MYH11: variants seen among roughly 807,000 people sequenced by gnomAD.
MYH11 encodes the protein myosin heavy chain 11.
MYH11 carries 80 observed loss-of-function variants against 246.6 expected under a neutral mutation model. That is an observed-to-expected ratio of 0.32 (90% CI 0.27 to 0.39). MYH11 has a LOEUF of 0.39. Among genes scored for constraint, MYH11 ranks in the 10% least tolerant of loss-of-function variants. MYH11 has a pLI of 1.00. For missense variants in MYH11, 2,158 were observed against 2,546.8 expected, an observed-to-expected ratio of 0.85 and a Z score of 3.29; for synonymous variants, 1,071 against 1,015.5, an observed-to-expected ratio of 1.05 and a Z score of -1.04.
At chr16:15,719,828 G>T in intron 34 of MYH11, 115 bp from the exon 35 acceptor site, 1 of 1,442,472 alleles carries the variant, frequency 6.9e-7, no homozygotes, top group Non-Finnish European at 9.6e-7. Context: ...CCACAAAGAA[G>T]TTCCCATTGC....
chr16:15,721,731 A>G (rs1266808668), intron 31 of MYH11, 97 bp from the exon 32 acceptor site: 6 of 1,285,904 alleles, frequency 4.7e-6, no homozygotes, highest in South Asian at 1.2e-5. Context: ...TGCTGAATGT[A>G]TTGAGGTGCA....
intron 2 of MYH11, among the ~76,000 whole-genome samples, chr16:15,826,917 T>C (rs2043583141): frequency 2.2e-5 from 3 of 136,042 alleles, no homozygotes; most frequent in African/African-American, 5.5e-5. Context: ...CACTTGAACC[T>C]GGGAGGTGGA....
chr16:15,728,391 G>A (rs1596741623), intron 27 of MYH11, among the ~76,000 whole-genome samples: 1 of 152,268 alleles, frequency 6.6e-6, no homozygotes. Flanking sequence ...CAACAACAAC[G>A]AAAGATCTGG....
intron 16 of MYH11, 54 bp from the exon 17 acceptor site, chr16:15,748,222 C>G: frequency 1.2e-6 from 2 of 1,608,408 alleles, no homozygotes; most frequent in African/African-American, 2.7e-5. Context: ...CATGGCGCAG[C>G]AAAGCCCCAA....
chr16:15,779,780 T>C (rs1214702642), intron 6 of MYH11, among the ~76,000 whole-genome samples: 1 of 152,210 alleles, frequency 6.6e-6, no homozygotes, highest in East Asian at 1.9e-4. Flanking sequence ...CTGCCTCAGC[T>C]AAGCCATGAA....
chr16:15,741,789 G>A lies in MYH11; in HGVS notation c.2623C>T (p.Leu875Phe), dbSNP rs1386895618. The change falls in exon 21 of 41, where the codon CTT becomes TTT. Residue 875 changes from leucine to phenylalanine, a missense_variant. Leu to Phe is a conservative substitution (Grantham distance 22). Coordinates refer to ENST00000300036, the MANE Select transcript of MYH11 (RefSeq NM_002474.3). ...KERQQKAENE[L>F]KELEQKHSQL... ...GAGTGCTTCTGTTCCAGCTCCTTAAGCTCATTCTCTGCCTTCTGCTGCCGC... is the reference window on the plus strand; with the variant it reads ...GAGTGCTTCTGTTCCAGCTCCTTAAACTCATTCTCTGCCTTCTGCTGCCGC... 2 of 1,614,168 alleles carry A rather than the reference G, an allele frequency of 1.2e-6. No individual in the cohort carries two copies. The highest frequency in any genetic ancestry group is 2.2e-5 in the East Asian group (1 of 44,884).
chr16:15,726,949 T>G lies in MYH11; in HGVS notation c.3757A>C (p.Lys1253Gln). The change falls in exon 28 of 41, where the codon AAG becomes CAG. Residue 1253 changes from lysine (K) to glutamine (Q), a missense_variant. By Grantham distance (53) the Lys-to-Gln change is moderately conservative. Coordinates refer to ENST00000300036, the MANE Select transcript of MYH11 (RefSeq NM_002474.3). ...LGQAKQEVEH[K>Q]KKKLEAQVQE... is the part of the protein sequence containing the mutation. Reference sequence around the variant, plus strand: ...ACCTGCGCCTCCAGCTTCTTCTTCTTATGTTCCACCTCCTGCTTGGCCTGG... The same window carrying G: ...ACCTGCGCCTCCAGCTTCTTCTTCTGATGTTCCACCTCCTGCTTGGCCTGG... 1 of 1,613,450 alleles carries G rather than the reference T, an allele frequency of 6.2e-7. No individual in the cohort carries two copies. Among genetic ancestry groups the G allele is most frequent in the Non-Finnish European group, 8.5e-7 (1 of 1,179,994 alleles).
At position 15,718,306 on chromosome 16, in the gene MYH11, G is replaced by T. The variant is rs199798923; in HGVS notation, c.5295+9C>A. 8.1e-6 allele frequency: 13 copies of T among 1,608,136 alleles called. No individual in the cohort carries two copies. The African/African-American group carries it at 1.7e-4, about 21-fold the overall frequency. The stretch of plus-strand genomic sequence containing the variant: ...GGCAGCGTGACTGTGGTGTCCAGGC[G>T]GCCCTCACCTGCTGTGTGGCTTTGC... On this transcript the variant is annotated intron_variant, in intron 37 of 40. Transcript: ENST00000300036.
chr16:15,830,711 T>A (rs1046854545), intron 2 of MYH11, among the ~76,000 whole-genome samples: 2 of 141,314 alleles, frequency 1.4e-5, no homozygotes, highest in Non-Finnish European at 3.1e-5. Context: ...AAACCCATCT[T>A]TACAAAAAAT....
intron 8 of MYH11, among the ~76,000 whole-genome samples, chr16:15,773,240 T>C (rs1367798226): frequency 1.3e-5 from 2 of 151,584 alleles, no homozygotes; most frequent in Non-Finnish European, 2.9e-5. Flanking sequence ...CTTCCTGCTA[T>C]GGTAGGCAAA....
intron 27 of MYH11, among the ~76,000 whole-genome samples, chr16:15,730,147 G>C (rs1277054092): frequency 6.6e-6 from 1 of 152,020 alleles, no homozygotes; most frequent in Non-Finnish European, 1.5e-5. Flanking sequence ...ATGATGGTAA[G>C]TTTCCTGAGG....
chr16:15,855,426 A>G (rs1282091944), intron 1 of MYH11, among the ~76,000 whole-genome samples: 1 of 152,214 alleles, frequency 6.6e-6, no homozygotes, highest in East Asian at 1.9e-4. Context: ...GTTTGTGTCC[A>G]TGGTAAAGAA....
intron 3 of MYH11, among the ~76,000 whole-genome samples, chr16:15,813,712 G>C (rs964485950): frequency 2.0e-5 from 3 of 152,048 alleles, no homozygotes; most frequent in African/African-American, 7.2e-5. Flanking sequence ...AACCAGTTTA[G>C]CCGGGCATGG....
At chr16:15,768,192 T>C (rs2042025743) in intron 9 of MYH11, among the ~76,000 whole-genome samples, 1 of 152,228 alleles carries the variant, frequency 6.6e-6, no homozygotes, top group Non-Finnish European at 1.5e-5. Context: ...TACACCTCTC[T>C]TCTTGCTGAG....
At chr16:15,836,350 T>C (rs2043891352) in intron 2 of MYH11, among the ~76,000 whole-genome samples, 1 of 152,192 alleles carries the variant, frequency 6.6e-6, no homozygotes, top group African/African-American at 2.4e-5. Flanking sequence ...CTACTTGACC[T>C]AGGGCCAACA....
rs957815431 is a variant in MYH11, at chr16:15,782,489, T to A, written c.634-12A>T. The A allele has an allele frequency of 6.2e-7, 1 of 1,612,122 alleles. No homozygotes were observed. The highest frequency in any genetic ancestry group is 1.3e-5 in the African/African-American group (1 of 75,002). ...TTTTCCAGCTCTCCCTAAAATTCAT[T>A]CACATCTAGTTATTGGAGAAAGCAA... On this transcript the variant is annotated splice_polypyrimidine_tract_variant and intron_variant, in intron 5 of 40. Transcript: ENST00000300036.
At chr16:15,831,732 A>C (rs2151375119) in intron 2 of MYH11, among the ~76,000 whole-genome samples, 1 of 152,218 alleles carries the variant, frequency 6.6e-6, no homozygotes, top group African/African-American at 2.4e-5. Flanking sequence ...TGAGTTCAGG[A>C]GTTCAAGACC....
rs756957660 is a variant in MYH11 at position 15,750,125 on chromosome 16, C to T, written c.2058+13G>A. ...GCTTCTGGGAGCCCCAGGGTCTGGG[C>T]GGCGGGCCTCACCCTCTTCTCGTGG... is the stretch of plus-strand genomic sequence containing the variant. On this transcript the variant is annotated intron_variant, in intron 16 of 40. Coordinates refer to ENST00000300036, the MANE Select transcript of MYH11 (RefSeq NM_002474.3). The surrounding 1 kb of genome is among the most constrained non-coding windows in gnomAD (Gnocchi z 4.3). The T allele has an allele frequency of 5.0e-6, 8 of 1,613,880 alleles. No homozygotes were observed. In the South Asian group the frequency reaches 5.5e-5, roughly 11 times the overall value.
intron 5 of MYH11, chr16:15,786,126 G>C: frequency 3.2e-6 from 1 of 314,072 alleles, no homozygotes; most frequent in Non-Finnish European, 6.2e-6. Flanking sequence ...ACGTTACAGA[G>C]ATTCATGAAA....
Sources: gnomAD v4.1 joint callset for allele counts (sites outside exome capture counted in the v4.1 genomes callset) on GRCh38, gnomAD v4.1.1 for gene constraint, Gnocchi (gnomAD v3.1) non-coding constraint, MANE v1.5 for transcripts, NCBI Gene and HGNC (gene_info 2026-07-23, HGNC 2026-07-21) for gene names.